NPTXR: variants seen among roughly 807,000 people sequenced by gnomAD.
The protein encoded by NPTXR is neuronal pentraxin receptor.
A neutral mutation model predicts 32.2 loss-of-function variants in NPTXR; 12 were observed. The observed-to-expected ratio is 0.37, with a 90% CI of 0.24 to 0.60. NPTXR has a LOEUF of 0.60. NPTXR is among the 20% of genes least tolerant of loss of function. The probability of loss-of-function intolerance (pLI) is 0.66; values close to 1 mark genes in which losing one functional copy is unlikely to be tolerated. For synonymous variants in NPTXR, 323 were observed against 315.8 expected (o/e 1.02, Z -0.24); for missense variants, 612 against 682.9 (o/e 0.90, Z 1.16).
intron 1 of NPTXR, among the ~76,000 whole-genome samples, chr22:38,835,688 A>G (rs1335747563): frequency 6.6e-6 from 1 of 152,084 alleles, no homozygotes; most frequent in Non-Finnish European, 1.5e-5. Context: ...CGGGCCCCCA[A>G]AATCCTCAGC....
chr22:38,832,504 G>A (rs1466287334), intron 1 of NPTXR, among the ~76,000 whole-genome samples: 1 of 152,226 alleles, frequency 6.6e-6, no homozygotes, highest in Non-Finnish European at 1.5e-5. Context: ...CAGCCATAAT[G>A]TGCTGGGCTC....
At position 38,828,315 on chromosome 22, in the gene NPTXR, C is replaced by A; in HGVS notation, c.822G>T (p.Leu274=). The change falls in exon 2 of 5, where the codon CTG becomes CTT. Residue 274 remains leucine, a synonymous_variant. Transcript: ENST00000333039. ...GCTCCAGCTCAGCCACACGACCCTG[C>A]AGGACGTCCAACTCCTTTTCCACTT... The A allele has an allele frequency of 1.2e-6, 2 of 1,613,570 alleles. No individual in the cohort carries two copies. Among genetic ancestry groups the A allele is most frequent in the South Asian group, 1.1e-5 (1 of 91,080 alleles).
At chr22:38,826,154 C>G (rs2093106290) in intron 3 of NPTXR, among the ~76,000 whole-genome samples, 1 of 152,192 alleles carries the variant, frequency 6.6e-6, no homozygotes, top group Non-Finnish European at 1.5e-5. Context: ...CCTCCCTTCT[C>G]TTTAAGTCCA....
At position 38,822,594 on chromosome 22, in the gene NPTXR, G is replaced by A; in HGVS notation, c.*15C>T. The A allele has an allele frequency of 6.3e-7, 1 of 1,587,174 alleles. No homozygotes were observed. Among genetic ancestry groups the A allele is most frequent in the African/African-American group, 1.3e-5 (1 of 74,368 alleles). ...AAGTGGCAGGCAAGGGAGGGGCCCT[G>A]GATGAGGTGGCCCCTCATGCCTTGG... On this transcript the variant is annotated 3_prime_UTR_variant, in exon 5 of 5. Transcript: ENST00000333039.
At chr22:38,828,171 TC>T (rs2093110324) in intron 2 of NPTXR, 115 bp downstream of exon 2, 1 of 774,480 alleles carries the variant, frequency 1.3e-6, no homozygotes, top group Non-Finnish European at 2.2e-6. Context: ...TTCCACAGCC[TC>T]CTCCCCACCC....
chr22:38,820,065 A>G lies in NPTXR; in HGVS notation c.*2544T>C, dbSNP rs1447291183. 1 of 152,594 alleles carries G rather than the reference A, an allele frequency of 6.6e-6. No individual in the cohort carries two copies. The highest frequency in any genetic ancestry group is 6.5e-5 in the Admixed American group (1 of 15,270). 9.5% of individuals were successfully genotyped at this position (152,594 alleles called of 1,614,324 possible). A position where few individuals can be genotyped will look rare whatever the true frequency, so the allele number is the denominator to read the frequency against. On this transcript the variant is annotated 3_prime_UTR_variant, in exon 5 of 5. Transcript: ENST00000333039. ...TTCTCCCAAGTCCTCCACAAGAGCT[A>G]CCTTCTTCAAAACAATAACAGAAAC...
In NPTXR at chr22:38,819,011, A is replaced by C. The variant is rs1325846693; in HGVS notation, c.*3598T>G. 11 of 152,272 alleles carry C rather than the reference A, an allele frequency of 7.2e-5. No homozygotes were observed. Among genetic ancestry groups the C allele is most frequent in the Non-Finnish European group, 1.3e-4 (9 of 68,092 alleles). 9.4% of individuals were successfully genotyped at this position (152,272 alleles called of 1,614,324 possible). A position where few individuals can be genotyped will look rare whatever the true frequency, so the allele number is the denominator to read the frequency against. ...CCCGGGCTTCAGCTTCCTCATCTGT[A>C]AAATGAGGGCTTTGGCCTCTTCTCA... On this transcript the variant is annotated 3_prime_UTR_variant, in exon 5 of 5. Coordinates refer to ENST00000333039, the MANE Select transcript of NPTXR (RefSeq NM_014293.4).
chr22:38,833,075 C>A (rs1018855155), intron 1 of NPTXR, among the ~76,000 whole-genome samples: 6 of 151,958 alleles, frequency 3.9e-5, no homozygotes, highest in African/African-American at 7.3e-5. Flanking sequence ...GCCAGAGTCC[C>A]ATCCTCTGCA....
intron 1 of NPTXR, among the ~76,000 whole-genome samples, chr22:38,836,939 C>T (rs1485836075): frequency 1.3e-5 from 2 of 152,048 alleles, no homozygotes; most frequent in Non-Finnish European, 2.9e-5. Context: ...CTCAGCCTCC[C>T]GAGTAGCTGG....
intron 1 of NPTXR, among the ~76,000 whole-genome samples, chr22:38,837,126 C>T (rs2093125170): frequency 6.6e-6 from 1 of 152,188 alleles, no homozygotes; most frequent in African/African-American, 2.4e-5. Context: ...CACAGGCTTT[C>T]AAATCTCCAT....
rs1403919827 is a variant in NPTXR, at chr22:38,843,725, A to C, written c.134T>G (p.Val45Gly). The C allele has an allele frequency of 5.3e-5, 53 of 992,968 alleles. No individual in the cohort carries two copies. Among genetic ancestry groups the C allele is most frequent in the Non-Finnish European group, 6.2e-5 (52 of 837,110 alleles). 61.5% of individuals were successfully genotyped at this position (992,968 alleles called of 1,614,324 possible). Residue 45 changes from valine (V) to glycine (G), a missense_variant, in exon 1 of 5, where the codon GTC (valine) becomes GGC (glycine). By Grantham distance (109) the Val-to-Gly change is moderately radical. Transcript: ENST00000333039. This position sits in a 1 kb window ranked among gnomAD's most constrained non-coding sequence, Gnocchi z 5.3. ...CGGGGACGCGGCGGCGCCCGAGGCG[A>C]CCGAAGCATTGTCGGCGCCGCCGGG...
intron 1 of NPTXR, 113 bp from the exon 2 acceptor site, chr22:38,828,625 A>T: frequency 1.3e-6 from 1 of 775,984 alleles, no homozygotes; most frequent in Non-Finnish European, 2.0e-6. Flanking sequence ...CAGCTTCCCC[A>T]GTATGCAAAA....
In NPTXR at chr22:38,837,455, A is replaced by G. The variant is rs188247053; in HGVS notation, c.624+5780T>C. Reference sequence around the variant, plus strand: ...GGGGAACCAGTGCCCACTAGGCAGAAGCTTCTAGAATGGGCAGCAAAGTCA... The same window carrying G: ...GGGGAACCAGTGCCCACTAGGCAGAGGCTTCTAGAATGGGCAGCAAAGTCA... On this transcript the variant is annotated intron_variant, in intron 1 of 4. Transcript: ENST00000333039. 3.3e-5 allele frequency among the ~76,000 whole-genome samples: 5 copies of G among 152,390 alleles called. No individual in the cohort carries two copies. In the East Asian group the frequency reaches 9.6e-4, roughly 29 times the overall value.
At chr22:38,835,750 T>A (rs556311009) in intron 1 of NPTXR, among the ~76,000 whole-genome samples, 1 of 152,192 alleles carries the variant, frequency 6.6e-6, no homozygotes, top group South Asian at 2.1e-4. Flanking sequence ...CCTGGCTTGG[T>A]CTTGACTCAG....
At chr22:38,833,567 T>A (rs1436373689) in intron 1 of NPTXR, among the ~76,000 whole-genome samples, 1 of 152,064 alleles carries the variant, frequency 6.6e-6, no homozygotes, top group African/African-American at 2.4e-5. Context: ...TGGTGAGGAT[T>A]GACTGAGTTC....
chr22:38,826,852 C>T (rs1259354775), intron 2 of NPTXR, 105 bp from the exon 3 acceptor site: 8 of 1,339,442 alleles, frequency 6.0e-6, no homozygotes, highest in East Asian at 2.4e-5. Context: ...CAGGCACCTG[C>T]TGCATGCCCA....
At chr22:38,838,254 G>A (rs2093126970) in intron 1 of NPTXR, among the ~76,000 whole-genome samples, 1 of 152,256 alleles carries the variant, frequency 6.6e-6, no homozygotes, top group Admixed American at 6.5e-5. Flanking sequence ...CTGGTGGGGG[G>A]CGGGGCAGGG....
Position 38,828,341 on chromosome 22 carries a change from C to G in NPTXR, c.796G>C (p.Glu266Gln). Residue 266 changes from glutamate to glutamine, a missense_variant, in exon 2 of 5, where the codon GAA becomes CAA. Coordinates refer to ENST00000333039, the MANE Select transcript of NPTXR (RefSeq NM_014293.4). ...AGGACGTCCAACTCCTTTTCCACTTCCTGCCTCTGCCGGCGGCTGCTGTGG... is the reference window on the plus strand; with the variant it reads ...AGGACGTCCAACTCCTTTTCCACTTGCTGCCTCTGCCGGCGGCTGCTGTGG... 6.2e-7 allele frequency: 1 copy of G among 1,613,544 alleles called. No individual in the cohort carries two copies. The highest frequency in any genetic ancestry group is 8.5e-7 in the Non-Finnish European group (1 of 1,180,034).
chr22:38,838,233 G>A (rs1237010781), intron 1 of NPTXR, among the ~76,000 whole-genome samples: 1 of 152,100 alleles, frequency 6.6e-6, no homozygotes, highest in Non-Finnish European at 1.5e-5. Flanking sequence ...GTATGGAGGG[G>A]AAAACTGAAG....
Sources: allele counts gnomAD v4.1 joint callset (sites outside exome capture counted in the v4.1 genomes callset), GRCh38; gene constraint gnomAD v4.1.1; non-coding constraint Gnocchi (gnomAD v3.1); transcripts MANE v1.5; gene names NCBI Gene and HGNC (gene_info 2026-07-23, HGNC 2026-07-21).